The following RBM33 variants were observed in gnomAD, a reference collection of about 807,000 sequenced individuals.
RBM33 encodes RNA binding motif protein 33.
In RBM33, 28 loss-of-function variants were observed where a neutral mutation model predicts 132.6. That is an observed-to-expected ratio of 0.21 (90% CI 0.16 to 0.29). The LOEUF is 0.29. Ranked by LOEUF, RBM33 falls within the 10% of genes least tolerant of loss-of-function variation. RBM33 has a pLI of 1.00. For synonymous variants in RBM33, 634 were observed against 593.0 expected, an observed-to-expected ratio of 1.07 and a Z score of -1.01; for missense variants, 1,291 against 1,518.5, an observed-to-expected ratio of 0.85 and a Z score of 2.49.
rs1363608892 is a variant in RBM33, at chr7:155,778,352, G to A, written c.*3311G>A. 1 of 152,276 alleles carries A rather than the reference G, an allele frequency of 6.6e-6. No homozygotes were observed. Among genetic ancestry groups the A allele is most frequent in the South Asian group, 2.1e-4 (1 of 4,828 alleles). The allele number at this position is 152,276 out of a possible 1,614,324, so 9.4% of individuals were successfully genotyped here. Reference sequence around the variant, plus strand: ...TTTTTTTCAAACAGCATCTTGCTCAGTTCTGTGAACAGAAGGCTTTGTTAC... The same window carrying A: ...TTTTTTTCAAACAGCATCTTGCTCAATTCTGTGAACAGAAGGCTTTGTTAC... On this transcript the variant is annotated 3_prime_UTR_variant, in exon 18 of 18. Coordinates refer to ENST00000401878, the MANE Select transcript of RBM33 (RefSeq NM_053043.3). The surrounding 1 kb of genome is among the most constrained non-coding windows in gnomAD (Gnocchi z 4.0).
At chr7:155,760,620 G>A (rs1341188377) in intron 14 of RBM33, among the ~76,000 whole-genome samples, 1 of 152,170 alleles carries the variant, frequency 6.6e-6, no homozygotes, top group African/African-American at 2.4e-5. Context: ...ATAGGATTTT[G>A]GATAAATTAA....
intron 1 of RBM33, among the ~76,000 whole-genome samples, chr7:155,661,733 C>G (rs1205655940): frequency 6.6e-6 from 1 of 152,060 alleles, no homozygotes; most frequent in Admixed American, 6.6e-5. Flanking sequence ...TTTATTTGAC[C>G]TGACACTGTC....
At chr7:155,763,776 A>T (rs756967928) in intron 14 of RBM33, 36 bp from the exon 15 acceptor site, 5 of 1,577,376 alleles carry the variant, frequency 3.2e-6, no homozygotes, top group Middle Eastern at 1.7e-4. Flanking sequence ...GGTGGAGCAG[A>T]CACTGAACAA....
intron 1 of RBM33, among the ~76,000 whole-genome samples, chr7:155,661,886 G>A (rs554700686): frequency 1.4e-4 from 22 of 152,188 alleles, no homozygotes; most frequent in African/African-American, 4.3e-4. Flanking sequence ...TTTTGTTGTC[G>A]TTGGATTATA....
In RBM33 at chr7:155,761,983, T is replaced by G. The variant is rs538787609; in HGVS notation, c.2980-1829T>G. On this transcript the variant is annotated intron_variant, in intron 14 of 17. Transcript: ENST00000401878. ...AGTTTAAATATTTTTTGTTCAGTGT[T>G]TGTATTATTTTTATTTCTCAGCCTA... is the stretch of plus-strand genomic sequence containing the variant. Among the ~76,000 whole-genome samples, 3 of 152,314 alleles carry G rather than the reference T, an allele frequency of 2.0e-5. No individual in the cohort carries two copies. In the South Asian group the frequency reaches 6.2e-4, roughly 32 times the overall value.
intron 1 of RBM33, among the ~76,000 whole-genome samples, chr7:155,649,156 G>T (rs142967998): frequency 1.3e-5 from 2 of 152,052 alleles, no homozygotes; most frequent in African/African-American, 4.8e-5. Context: ...TGATGTCCCC[G>T]TTTTTTAAGG....
rs1321286258 is a variant in RBM33, at chr7:155,777,446, C to T, written c.*2405C>T. ...ATGGATTCTTAGTACCAGACAATCC[C>T]AGTAATGAAGGTTTAGTTTCCTTGA... On this transcript the variant is annotated 3_prime_UTR_variant, in exon 18 of 18. Transcript: ENST00000401878. 2 of 152,134 alleles carry T rather than the reference C, an allele frequency of 1.3e-5. No individual in the cohort carries two copies. The highest frequency in any genetic ancestry group is 4.8e-5 in the African/African-American group (2 of 41,420). The allele number at this position is 152,134 out of a possible 1,614,324, so 9.4% of individuals were successfully genotyped here.
At chr7:155,644,941 T>C in intron 1 of RBM33, 22 bp downstream of exon 1, 1 of 1,489,800 alleles carries the variant, frequency 6.7e-7, no homozygotes, top group Non-Finnish European at 8.9e-7. Context: ...AGCCGGACTC[T>C]GGGGGCCAGG....
At chr7:155,706,664 A>T in intron 6 of RBM33, 196 bp from the exon 7 acceptor site, 1 of 545,616 alleles carries the variant, frequency 1.8e-6, no homozygotes, top group African/African-American at 1.9e-5. Flanking sequence ...GCCTGTTCTT[A>T]TTTATCAGAT....
At chr7:155,666,584 G>A (rs540009411) in intron 2 of RBM33, among the ~76,000 whole-genome samples, 1 of 152,296 alleles carries the variant, frequency 6.6e-6, no homozygotes, top group Non-Finnish European at 1.5e-5. Flanking sequence ...GGTCTTACTA[G>A]TAAGTACTAA....
intron 14 of RBM33, among the ~76,000 whole-genome samples, chr7:155,748,232 C>A (rs1801580674): frequency 6.6e-6 from 1 of 152,214 alleles, no homozygotes; most frequent in African/African-American, 2.4e-5. Context: ...TTTTTTCTAA[C>A]CTATACTATA....
chr7:155,655,512 TAACGGTATTAAGGCTGTTTG>T (rs1294087673), intron 1 of RBM33, among the ~76,000 whole-genome samples: 1 of 144,516 alleles, frequency 6.9e-6, no homozygotes, highest in African/African-American at 2.5e-5. Flanking sequence ...ACTATTTTCA[TAACGGTATTAAGGCTGTTTG>T]CCTTTTTTTT....
chr7:155,733,384 T>A (rs1216558170), intron 9 of RBM33, among the ~76,000 whole-genome samples: 1 of 152,256 alleles, frequency 6.6e-6, no homozygotes, highest in Non-Finnish European at 1.5e-5. Flanking sequence ...AGCTTTAACT[T>A]GGTTTTCTTG....
In RBM33 at chr7:155,682,225, A is replaced by G. The variant is rs187739039; in HGVS notation, c.567+1317A>G. Among the ~76,000 whole-genome samples the G allele has an allele frequency of 1.5e-3, 234 of 152,226 alleles. 4 individuals are homozygous for G. Among genetic ancestry groups the G allele is most frequent in the African/African-American group, 4.9e-3 (205 of 41,562 alleles). On this transcript the variant is annotated intron_variant, in intron 5 of 17. Coordinates refer to ENST00000401878, the MANE Select transcript of RBM33 (RefSeq NM_053043.3). Reference sequence around the variant, plus strand: ...CATGAGCCTCGGTGCCTGGCCCTCAATAGTTTTAAGATTTAATTTTTTTTG... The same window carrying G: ...CATGAGCCTCGGTGCCTGGCCCTCAGTAGTTTTAAGATTTAATTTTTTTTG...
intron 2 of RBM33, among the ~76,000 whole-genome samples, chr7:155,672,492 C>T (rs1428433989): frequency 6.6e-6 from 1 of 152,164 alleles, no homozygotes; most frequent in African/African-American, 2.4e-5. Flanking sequence ...CATGGTGGCT[C>T]ATGCCTGTAA....
Position 155,774,758 on chromosome 7 carries a change from A to G in RBM33, c.3464+111A>G. ...AGCGTGTGTCCCCACCTGTTCCTGT[A>G]GAAGGACACTAGGGCACAAAGCGCA... On this transcript the variant is annotated intron_variant, in intron 17 of 17. Transcript: ENST00000401878. The surrounding 1 kb of genome is among the most constrained non-coding windows in gnomAD (Gnocchi z 4.2). 1.0e-6 allele frequency: 1 copy of G among 954,450 alleles called. No homozygotes were observed. 59.1% of individuals were successfully genotyped at this position (954,450 alleles called of 1,614,324 possible). A position where few individuals can be genotyped will look rare whatever the true frequency, so the allele number is the denominator to read the frequency against.
At chr7:155,703,265 T>A (rs1456887053) in intron 6 of RBM33, among the ~76,000 whole-genome samples, 1 of 152,232 alleles carries the variant, frequency 6.6e-6, no homozygotes, top group African/African-American at 2.4e-5. Context: ...TCTGTTTTGC[T>A]TTTTAAGGCA....
intron 5 of RBM33, among the ~76,000 whole-genome samples, chr7:155,689,722 T>C (rs1050975945): frequency 6.6e-6 from 1 of 152,208 alleles, no homozygotes; most frequent in Non-Finnish European, 1.5e-5. Context: ...GCCTTCATTT[T>C]GTTATGTACC....
intron 14 of RBM33, chr7:155,746,636 T>C (rs1378540245): frequency 6.6e-6 from 1 of 152,228 alleles, no homozygotes; most frequent in African/African-American, 2.4e-5. Context: ...ACTTGCTTCT[T>C]TATCCCACCA....
Sources: gnomAD v4.1 joint callset for allele counts (sites outside exome capture counted in the v4.1 genomes callset) on GRCh38, gnomAD v4.1.1 for gene constraint, Gnocchi (gnomAD v3.1) non-coding constraint, MANE v1.5 for transcripts, NCBI Gene and HGNC (gene_info 2026-07-23, HGNC 2026-07-21) for gene names.